Variants in CLOCK observed in about 807,000 individuals in gnomAD.
CLOCK encodes the protein clock circadian regulator.
A neutral mutation model predicts 118.4 loss-of-function variants in CLOCK; 43 were observed. The observed-to-expected ratio is 0.36, with a 90% confidence interval of 0.28 to 0.47. The LOEUF is 0.47. Ranked by LOEUF, CLOCK falls within the 20% of genes least tolerant of loss-of-function variation. The probability of loss-of-function intolerance (pLI) is 1.00; values close to 1 mark genes in which losing one functional copy is unlikely to be tolerated. For missense variants in CLOCK, 846 were observed against 999.9 expected (o/e 0.85, Z 2.08); for synonymous variants, 326 against 339.2 (o/e 0.96, Z 0.43).
At chr4:55,512,288 A>G (rs754172823) in intron 1 of CLOCK, among the ~76,000 whole-genome samples, 1 of 152,134 alleles carries the variant, frequency 6.6e-6, no homozygotes, top group Non-Finnish European at 1.5e-5. Flanking sequence ...TCAAATATGT[A>G]TGTAGTAGTA....
intron 1 of CLOCK, chr4:55,545,651 T>C (rs556528783): frequency 1.3e-5 from 2 of 152,320 alleles, no homozygotes; most frequent in East Asian, 3.9e-4. Context: ...GACTAGGCTT[T>C]TATCTTGCAG....
intron 6 of CLOCK, among the ~76,000 whole-genome samples, chr4:55,476,816 G>A (rs1000128370): frequency 6.6e-6 from 1 of 152,030 alleles, no homozygotes. Flanking sequence ...ATTTTTTAAT[G>A]TAGACATATT....
chr4:55,444,757 A>T lies in CLOCK; in HGVS notation c.1568T>A (p.Met523Lys). Residue 523 changes from methionine to lysine, a missense_variant, in exon 19 of 23, where the codon ATG (methionine) becomes AAG (lysine). By Grantham distance (95) the Met-to-Lys change is moderately conservative. This residue lies in a region of CLOCK where 520 missense variants were observed against 558.0 expected (regional missense o/e 0.93). Transcript: ENST00000513440. ...QFQFSAQLGA[M>K]QHLKDQLEQR... The stretch of plus-strand genomic sequence containing the variant: ...TTCCAATTGGTCTTTCAGATGTTGC[A>T]TGGCTCCTAATTGAGCTGAAAACTG... The T allele has an allele frequency of 1.9e-6, 3 of 1,614,064 alleles. No homozygotes were observed. The highest frequency in any genetic ancestry group is 2.5e-6 in the Non-Finnish European group (3 of 1,180,000).
intron 1 of CLOCK, among the ~76,000 whole-genome samples, chr4:55,544,352 T>C (rs185115079): frequency 2.0e-4 from 31 of 152,226 alleles, no homozygotes; most frequent in African/African-American, 7.2e-4. Context: ...CATGAAACTT[T>C]GGGGTTAAGT....
intron 1 of CLOCK, among the ~76,000 whole-genome samples, chr4:55,524,159 C>T (rs945683815): frequency 7.2e-5 from 11 of 151,890 alleles, no homozygotes; most frequent in Non-Finnish European, 4.4e-5. Context: ...GAGGCTGAGG[C>T]GGGCGGATCA....
chr4:55,480,275 T>C (rs1278360523), intron 4 of CLOCK, among the ~76,000 whole-genome samples: 2 of 152,204 alleles, frequency 1.3e-5, no homozygotes, highest in African/African-American at 4.8e-5. Flanking sequence ...CTTTTTCCTT[T>C]TTTTCTGGAG....
Position 55,429,870 on chromosome 4 carries a change from G to A in CLOCK, c.*5545C>T, listed in dbSNP as rs1254527831. The A allele has an allele frequency of 6.6e-6, 1 of 152,194 alleles. No individual in the cohort carries two copies. The highest frequency in any genetic ancestry group is 1.5e-5 in the Non-Finnish European group (1 of 68,048). 9.4% of individuals were successfully genotyped at this position (152,194 alleles called of 1,614,324 possible). A position where few individuals can be genotyped will look rare whatever the true frequency, so the allele number is the denominator to read the frequency against. On this transcript the variant is annotated 3_prime_UTR_variant, in exon 23 of 23. Coordinates refer to ENST00000513440, the MANE Select transcript of CLOCK (RefSeq NM_004898.4). Reference sequence around the variant, plus strand: ...TGAGGAGGGAAGTGCAGGGGCATCTGGAGTTGGCCCCTCCACTGCCGTCCT... The same window carrying A: ...TGAGGAGGGAAGTGCAGGGGCATCTAGAGTTGGCCCCTCCACTGCCGTCCT...
chr4:55,429,827 A>AT lies in CLOCK; in HGVS notation c.*5587dup. ...AGATTTGAAAGGAGTTATTTCTAAA[A>AT]TTCTTTCTTAGATGACTTGAGGAGG... On this transcript the variant is annotated 3_prime_UTR_variant, in exon 23 of 23. Coordinates refer to ENST00000513440, the MANE Select transcript of CLOCK (RefSeq NM_004898.4). The AT allele has an allele frequency of 6.6e-6, 1 of 152,326 alleles. No homozygotes were observed. Among genetic ancestry groups the AT allele is most frequent in the African/African-American group, 2.4e-5 (1 of 41,572 alleles). The allele number at this position is 152,326 out of a possible 1,614,324, so 9.4% of individuals were successfully genotyped here.
chr4:55,525,927 C>T (rs548422764), intron 1 of CLOCK, among the ~76,000 whole-genome samples: 19 of 149,658 alleles, frequency 1.3e-4, no homozygotes, highest in Middle Eastern at 3.6e-3. Context: ...AGGGTTAATA[C>T]GAAAATGTTT....
chr4:55,470,782 T>C lies in CLOCK; in HGVS notation c.373A>G (p.Ile125Val), dbSNP rs1226069397. ...LEALDGFFLA[I>V]MTDGSIIYVS... ...TATATTATGCTTCCATCTGTCATGA[T>C]TGCTAAAAAAAAACCATCAAGAGCC... Residue 125 changes from isoleucine (I) to valine (V), a missense_variant, in exon 8 of 23, where the codon ATC becomes GTC. Coordinates refer to ENST00000513440, the MANE Select transcript of CLOCK (RefSeq NM_004898.4). 2.5e-6 allele frequency: 4 copies of C among 1,611,460 alleles called. No individual in the cohort carries two copies. Among genetic ancestry groups the C allele is most frequent in the African/African-American group, 1.3e-5 (1 of 74,820 alleles).
intron 1 of CLOCK, among the ~76,000 whole-genome samples, chr4:55,541,965 C>A (rs1731297943): frequency 1.4e-5 from 2 of 145,308 alleles, no homozygotes; most frequent in Non-Finnish European, 1.5e-5. Flanking sequence ...AAAAAAAAAA[C>A]AGCCAGAAAT....
chr4:55,476,625 T>G (rs570216369), intron 6 of CLOCK, among the ~76,000 whole-genome samples: 1 of 152,274 alleles, frequency 6.6e-6, no homozygotes, highest in South Asian at 2.1e-4. Flanking sequence ...ATTCCCACAG[T>G]GATTTTTCTT....
chr4:55,476,859 T>C (rs1317688786), intron 6 of CLOCK, among the ~76,000 whole-genome samples: 1 of 152,158 alleles, frequency 6.6e-6, no homozygotes, highest in Non-Finnish European at 1.5e-5. Context: ...ATCTATGTCA[T>C]AGACTATATT....
At chr4:55,444,864 GCAGTAT>G in intron 18 of CLOCK, 79 bp from the exon 19 acceptor site, 1 of 1,427,964 alleles carries the variant, frequency 7.0e-7, no homozygotes, top group Non-Finnish European at 9.6e-7. Context: ...TGAAAAGTAA[GCAGTAT>G]AACATGAGTG....
intron 2 of CLOCK, among the ~76,000 whole-genome samples, chr4:55,496,543 C>T (rs1413283257): frequency 6.6e-6 from 1 of 152,142 alleles, no homozygotes; most frequent in Non-Finnish European, 1.5e-5. Context: ...GTAATGATTG[C>T]TTACCACTTT....
chr4:55,495,662 C>T (rs1205808922), intron 2 of CLOCK, among the ~76,000 whole-genome samples: 1 of 152,068 alleles, frequency 6.6e-6, no homozygotes, highest in East Asian at 1.9e-4. Flanking sequence ...TCAATGTACA[C>T]AAAATGATCC....
chr4:55,525,674 T>G (rs1463964660), intron 1 of CLOCK, among the ~76,000 whole-genome samples: 1 of 151,700 alleles, frequency 6.6e-6, no homozygotes, highest in East Asian at 1.9e-4. Flanking sequence ...TTCACCATGT[T>G]GGCCAGGCTG....
intron 1 of CLOCK, among the ~76,000 whole-genome samples, chr4:55,521,782 T>A (rs987853880): frequency 6.6e-6 from 1 of 152,196 alleles, no homozygotes; most frequent in Non-Finnish European, 1.5e-5. Flanking sequence ...TTTACTAATA[T>A]CTTATATTGA....
intron 18 of CLOCK, among the ~76,000 whole-genome samples, chr4:55,447,384 C>A (rs890313236): frequency 6.6e-6 from 1 of 152,040 alleles, no homozygotes; most frequent in Non-Finnish European, 1.5e-5. Context: ...TAAAAAGTTA[C>A]ATTTATGTCA....
Sources: allele counts gnomAD v4.1 joint callset (sites outside exome capture counted in the v4.1 genomes callset), GRCh38; gene constraint gnomAD v4.1.1; regional missense constraint gnomAD v4.1.1; transcripts MANE v1.5; gene names NCBI Gene and HGNC (gene_info 2026-07-23, HGNC 2026-07-21).